Variants in DIP2C observed in about 807,000 individuals in gnomAD.
DIP2C encodes disco-interacting protein 2 homolog C.
DIP2C carries 33 observed loss-of-function variants against 192.4 expected under a neutral mutation model. The observed-to-expected ratio is 0.17, with a 90% CI of 0.13 to 0.23. The LOEUF (loss-of-function observed/expected upper bound fraction) is 0.23, where lower values mean the gene tolerates loss of function less well. Among genes scored for constraint, DIP2C ranks in the 10% least tolerant of loss-of-function variants. The probability of loss-of-function intolerance (pLI) is 1.00; values close to 1 mark genes in which losing one functional copy is unlikely to be tolerated. For synonymous variants in DIP2C, 979 were observed against 864.1 expected (o/e 1.13, Z -2.33); for missense variants, 1,537 against 2,110.1 (o/e 0.73, Z 5.32).
At chr10:519,998 C>A (rs1029977688) in intron 1 of DIP2C, among the ~76,000 whole-genome samples, 2 of 152,216 alleles carry the variant, frequency 1.3e-5, no homozygotes, top group South Asian at 4.1e-4. Flanking sequence ...AAGCTCCACT[C>A]GGAGTAACAG....
At chr10:577,367 G>C (rs967999824) in intron 1 of DIP2C, among the ~76,000 whole-genome samples, 1 of 152,258 alleles carries the variant, frequency 6.6e-6, no homozygotes, top group Non-Finnish European at 1.5e-5. Context: ...AAATAAGCAT[G>C]AGAAATTAGT....
intron 1 of DIP2C, chr10:663,138 A>C (rs1401340535): frequency 2.0e-6 from 1 of 498,734 alleles, no homozygotes; most frequent in Non-Finnish European, 3.6e-6. Flanking sequence ...GCCCTACCTC[A>C]GCATGGGTGA....
intron 1 of DIP2C, among the ~76,000 whole-genome samples, chr10:534,087 G>A (rs1337544148): frequency 2.0e-5 from 3 of 151,934 alleles, no homozygotes; most frequent in Non-Finnish European, 4.4e-5. Context: ...CAACTGGGAC[G>A]AGGAGCCCCT....
chr10:508,098 CCACCTTCCCCCAA>C (rs1845751498), intron 1 of DIP2C, among the ~76,000 whole-genome samples: 1 of 150,838 alleles, frequency 6.6e-6, no homozygotes, highest in Non-Finnish European at 1.5e-5. Flanking sequence ...CTCTGCTCAG[CCACCTTCCCCCAA>C]CGCCTTCCTC....
At chr10:552,829 C>T (rs1848653114) in intron 1 of DIP2C, among the ~76,000 whole-genome samples, 1 of 152,082 alleles carries the variant, frequency 6.6e-6, no homozygotes, top group African/African-American at 2.4e-5. Context: ...AGCCTGGGCG[C>T]CAGAGCAAGA....
chr10:373,988 T>C (rs140663763), intron 17 of DIP2C, among the ~76,000 whole-genome samples: 26 of 152,310 alleles, frequency 1.7e-4, no homozygotes, highest in African/African-American at 6.0e-4. Flanking sequence ...CTTTTCTCAT[T>C]CCTTTGACTC....
At chr10:467,024 C>T (rs1431963220) in intron 3 of DIP2C, among the ~76,000 whole-genome samples, 2 of 151,042 alleles carry the variant, frequency 1.3e-5, no homozygotes, top group Non-Finnish European at 1.5e-5. Context: ...CCAGCCATCC[C>T]ATTACTGGGT....
Position 382,651 on chromosome 10 carries a change from G to A in DIP2C, c.1987C>T (p.Arg663Trp). ...SSPEALTVAI[R>W]RPTDDSNQPP... ...TAAATCAACATGACCCAGTACCTCCGGATGGCCACAGTGAGGGCCTCTGGC... is the reference window on the plus strand; with the variant it reads ...TAAATCAACATGACCCAGTACCTCCAGATGGCCACAGTGAGGGCCTCTGGC... The change falls in exon 17 of 37, where the codon CGG (arginine) becomes TGG (tryptophan). Residue 663 changes from arginine to tryptophan, a missense_variant. Coordinates refer to ENST00000280886, the MANE Select transcript of DIP2C (RefSeq NM_014974.3). 2 of 1,612,838 alleles carry A rather than the reference G, an allele frequency of 1.2e-6. No homozygotes were observed. Among genetic ancestry groups the A allele is most frequent in the Non-Finnish European group, 1.7e-6 (2 of 1,179,286 alleles).
intron 6 of DIP2C, among the ~76,000 whole-genome samples, chr10:417,519 G>T (rs1965722835): frequency 6.6e-6 from 1 of 152,192 alleles, no homozygotes; most frequent in South Asian, 2.1e-4. Flanking sequence ...GCGATTTCAA[G>T]CGCACTAACT....
chr10:287,296 G>A (rs1457438099), intron 33 of DIP2C, among the ~76,000 whole-genome samples: 2 of 152,074 alleles, frequency 1.3e-5, no homozygotes, highest in Non-Finnish European at 2.9e-5. Flanking sequence ...ACATTCCACT[G>A]ATACCACTTA....
intron 1 of DIP2C, among the ~76,000 whole-genome samples, chr10:635,553 T>C (rs990785230): frequency 6.6e-6 from 1 of 152,166 alleles, no homozygotes; most frequent in African/African-American, 2.4e-5. Flanking sequence ...CGTCTCCTCA[T>C]CCAACAGAAG....
intron 24 of DIP2C, among the ~76,000 whole-genome samples, chr10:354,590 T>C (rs1958985386): frequency 6.6e-6 from 1 of 152,150 alleles, no homozygotes; most frequent in South Asian, 2.1e-4. Context: ...GGACACATGC[T>C]TGTGCAACCC....
intron 1 of DIP2C, among the ~76,000 whole-genome samples, chr10:568,784 AAAAAAAAAAAAAAAC>A (rs1362959506): frequency 1.9e-4 from 28 of 145,626 alleles, no homozygotes; most frequent in East Asian, 1.4e-3. Context: ...AAAAAAAAAA[AAAAAAAAAAAAAAAC>A]CTTCACTTGA....
intron 4 of DIP2C, among the ~76,000 whole-genome samples, chr10:435,056 C>T (rs1189448875): frequency 6.6e-6 from 1 of 152,160 alleles, no homozygotes; most frequent in Non-Finnish European, 1.5e-5. Context: ...GAAATTCAGC[C>T]ATTAATGTTA....
intron 21 of DIP2C, 32 bp from the exon 22 acceptor site, chr10:362,723 T>C (rs764628276): frequency 3.8e-6 from 6 of 1,575,416 alleles, no homozygotes; most frequent in East Asian, 2.2e-5. Flanking sequence ...AATCATGTTA[T>C]AAGAGGAAGT....
At chr10:602,063 T>A (rs903045851) in intron 1 of DIP2C, among the ~76,000 whole-genome samples, 1 of 151,172 alleles carries the variant, frequency 6.6e-6, no homozygotes, top group Admixed American at 6.6e-5. Flanking sequence ...AAGGGGCTTT[T>A]TGCAGTAAAT....
In DIP2C at chr10:375,658, A is replaced by T. The variant is rs149037019; in HGVS notation, c.1992-6025T>A. Among the ~76,000 whole-genome samples the T allele has an allele frequency of 6.0e-3, 918 of 152,256 alleles. 4 individuals are homozygous for T. Among genetic ancestry groups the T allele is most frequent in the Middle Eastern group, 0.014 (4 of 294 alleles). ...ACACCTTGAAGTAGCAGCTCCTATAAATTTCATGAACACATCTGCAGTTTG... is the reference window on the plus strand; with the variant it reads ...ACACCTTGAAGTAGCAGCTCCTATATATTTCATGAACACATCTGCAGTTTG... On this transcript the variant is annotated intron_variant, in intron 17 of 36. Transcript: ENST00000280886.
At chr10:621,321 C>T (rs112311524) in intron 1 of DIP2C, among the ~76,000 whole-genome samples, 1 of 150,238 alleles carries the variant, frequency 6.7e-6, no homozygotes, top group African/African-American at 2.5e-5. Context: ...CCACACACAC[C>T]CCCAAGGTGT....
At chr10:328,639 G>C (rs1957372403) in intron 30 of DIP2C, among the ~76,000 whole-genome samples, 1 of 152,126 alleles carries the variant, frequency 6.6e-6, no homozygotes, top group Non-Finnish European at 1.5e-5. Context: ...GTTACATAAA[G>C]TTATCTTGCA....
Sources: allele counts gnomAD v4.1 joint callset (sites outside exome capture counted in the v4.1 genomes callset), GRCh38; gene constraint gnomAD v4.1.1; transcripts MANE v1.5; gene names NCBI Gene and HGNC (gene_info 2026-07-23, HGNC 2026-07-21).